The following LMBRD1 variants were observed in gnomAD, a reference collection of about 807,000 sequenced individuals.
The protein encoded by LMBRD1 is lysosomal cobalamin transport escort protein LMBD1.
A neutral mutation model predicts 74.8 loss-of-function variants in LMBRD1; 64 were observed. That is an observed-to-expected ratio of 0.86 (90% CI 0.70 to 1.05). The LOEUF (loss-of-function observed/expected upper bound fraction) is 1.05. Among genes scored for constraint, LMBRD1 ranks in the 50% least tolerant of loss-of-function variants. The pLI is 0.00. For missense variants in LMBRD1, 652 were observed against 645.9 expected, an observed-to-expected ratio of 1.01 and a Z score of -0.10; for synonymous variants, 204 against 216.3, an observed-to-expected ratio of 0.94 and a Z score of 0.50.
intron 7 of LMBRD1, among the ~76,000 whole-genome samples, chr6:69,726,394 G>C (rs569259004): frequency 2.7e-4 from 41 of 152,218 alleles, no homozygotes; most frequent in Non-Finnish European, 1.0e-4. Context: ...TCAAAAGAAA[G>C]GAGATCCATA....
intron 14 of LMBRD1, among the ~76,000 whole-genome samples, chr6:69,691,875 C>CAAAAAAAA (rs34100007): frequency 6.1e-5 from 4 of 65,056 alleles, no homozygotes; most frequent in Non-Finnish European, 8.4e-5. Flanking sequence ...GACTCCGTCT[C>CAAAAAAAA]AAAAAAAAAA....
At chr6:69,761,348 T>C (rs112797518) in intron 3 of LMBRD1, among the ~76,000 whole-genome samples, 1,601 of 152,244 alleles carry the variant, frequency 0.011, 18 homozygotes, top group Non-Finnish European at 0.014. Flanking sequence ...AATAAAATGG[T>C]CAGACAAAAG....
intron 14 of LMBRD1, among the ~76,000 whole-genome samples, chr6:69,695,808 T>A (rs1765982806): frequency 9.9e-6 from 1 of 101,424 alleles, no homozygotes. Context: ...AGTCAACTAA[T>A]CATTTTTTTT....
chr6:69,794,737 G>T (rs1359402830), intron 1 of LMBRD1, among the ~76,000 whole-genome samples: 3 of 152,230 alleles, frequency 2.0e-5, no homozygotes, highest in Non-Finnish European at 4.4e-5. Flanking sequence ...GACAAGATCA[G>T]TTGTAATTTA....
intron 6 of LMBRD1, among the ~76,000 whole-genome samples, chr6:69,738,826 G>C (rs1035363936): frequency 6.6e-6 from 1 of 152,008 alleles, no homozygotes; most frequent in African/African-American, 2.4e-5. Context: ...GAGTTTAAAT[G>C]CAAGTCCTGT....
chr6:69,679,387 C>T (rs918491808), intron 14 of LMBRD1, among the ~76,000 whole-genome samples: 1 of 152,108 alleles, frequency 6.6e-6, no homozygotes, highest in Non-Finnish European at 1.5e-5. Flanking sequence ...GCTCCCACCA[C>T]ATTTTATTCT....
chr6:69,729,211 G>T (rs1766799575), intron 7 of LMBRD1, among the ~76,000 whole-genome samples: 1 of 143,654 alleles, frequency 7.0e-6, no homozygotes, highest in Non-Finnish European at 1.5e-5. Flanking sequence ...CCCTCATCTA[G>T]AATGCCCACC....
At chr6:69,779,584 AT>A (rs1765782208) in intron 3 of LMBRD1, among the ~76,000 whole-genome samples, 1 of 152,168 alleles carries the variant, frequency 6.6e-6, no homozygotes, top group Non-Finnish European at 1.5e-5. Flanking sequence ...CTTAGAAAAA[AT>A]TTTTAGAAAA....
intron 14 of LMBRD1, among the ~76,000 whole-genome samples, chr6:69,693,744 ATGGGGTGGCATCCCTACCC>A (rs1765937106): frequency 2.6e-5 from 4 of 151,790 alleles, no homozygotes; most frequent in Non-Finnish European, 5.9e-5. Context: ...AAGGGTAGGG[ATGGGGTGGCATCCCTACCC>A]TTATGTGTCT....
chr6:69,688,913 T>C (rs1765822855), intron 14 of LMBRD1, among the ~76,000 whole-genome samples: 1 of 152,110 alleles, frequency 6.6e-6, no homozygotes, highest in African/African-American at 2.4e-5. Context: ...CATTACCTTG[T>C]ATGTATTGCT....
rs1456368451 is a variant in LMBRD1 at position 69,749,386 on chromosome 6, T to C, written c.428A>G (p.Tyr143Cys). Residue 143 changes from tyrosine to cysteine, a missense_variant, in exon 5 of 16, where the codon TAT (tyrosine) becomes TGT (cysteine). Transcript: ENST00000649934. ...ACAAATCACAACAAATCCCAAAGTA[T>C]ACTTGAGTGCCGTTTTAATTTGCTA... ...KCTQIKTALK[Y>C]TLGFVVICAL... The C allele has an allele frequency of 1.9e-6, 3 of 1,612,436 alleles. No homozygotes were observed. Among genetic ancestry groups the C allele is most frequent in the South Asian group, 1.1e-5 (1 of 91,010 alleles).
chr6:69,721,468 A>G (rs1432700748), intron 7 of LMBRD1, among the ~76,000 whole-genome samples: 3 of 152,148 alleles, frequency 2.0e-5, no homozygotes, highest in Non-Finnish European at 1.5e-5. Context: ...TGACATTTCT[A>G]GACACACCTT....
intron 1 of LMBRD1, among the ~76,000 whole-genome samples, chr6:69,794,845 T>C (rs1051838586): frequency 6.6e-6 from 1 of 152,224 alleles, no homozygotes; most frequent in African/African-American, 2.4e-5. Context: ...GGCCATGGCA[T>C]CATGTTATAA....
At chr6:69,792,624 A>G (rs1766111244) in intron 1 of LMBRD1, among the ~76,000 whole-genome samples, 1 of 152,212 alleles carries the variant, frequency 6.6e-6, no homozygotes, top group African/African-American at 2.4e-5. Flanking sequence ...TATTTTTCAT[A>G]AAATGTGACT....
intron 2 of LMBRD1, among the ~76,000 whole-genome samples, chr6:69,785,920 G>A (rs997338352): frequency 2.6e-5 from 4 of 152,010 alleles, no homozygotes; most frequent in African/African-American, 9.7e-5. Flanking sequence ...CTCCCTAAAG[G>A]CTCTCTCCCT....
intron 6 of LMBRD1, among the ~76,000 whole-genome samples, chr6:69,739,672 G>A (rs1217929034): frequency 6.6e-6 from 1 of 152,096 alleles, no homozygotes; most frequent in Admixed American, 6.5e-5. Flanking sequence ...CATGGGAGAT[G>A]ATATTAACTG....
At position 69,777,746 on chromosome 6, in the gene LMBRD1, T is replaced by C. The variant is rs912201899; in HGVS notation, c.307+2748A>G. On this transcript the variant is annotated intron_variant, in intron 3 of 15. Transcript: ENST00000649934. ...GATAAGATTTTGAATGTAAAAGTCT[T>C]ACACAGTGCCTAGCAAGGTTAGATC... Among the ~76,000 whole-genome samples the C allele has an allele frequency of 2.6e-5, 4 of 152,224 alleles. No individual in the cohort carries two copies. The East Asian group carries it at 5.8e-4, about 22-fold the overall frequency.
intron 7 of LMBRD1, among the ~76,000 whole-genome samples, chr6:69,723,439 C>G (rs1450785206): frequency 6.6e-6 from 1 of 152,062 alleles, no homozygotes; most frequent in African/African-American, 2.4e-5. Context: ...AATCTTAACA[C>G]ATTCACAAAA....
chr6:69,793,909 T>C (rs1766149260), intron 1 of LMBRD1, among the ~76,000 whole-genome samples: 1 of 151,864 alleles, frequency 6.6e-6, no homozygotes, highest in African/African-American at 2.4e-5. Context: ...TTAGTAGGAA[T>C]GGGGCTTTGC....
Sources: allele counts gnomAD v4.1 joint callset (sites outside exome capture counted in the v4.1 genomes callset), GRCh38; gene constraint gnomAD v4.1.1; transcripts MANE v1.5; gene names NCBI Gene and HGNC (gene_info 2026-07-23, HGNC 2026-07-21).